The following IMMP2L variants were observed in gnomAD, a reference collection of about 807,000 sequenced individuals.
IMMP2L encodes the protein mitochondrial inner membrane protease subunit 2.
In IMMP2L, 18 loss-of-function variants were observed where a neutral mutation model predicts 19.3. The ratio of observed to expected loss-of-function variants is 0.93; its 90% CI spans 0.64 to 1.38. IMMP2L has a LOEUF of 1.38. Ranked by LOEUF, IMMP2L falls within the 40% of genes most tolerant of loss-of-function variation. The pLI is 0.00. For missense variants in IMMP2L, 233 were observed against 218.2 expected (o/e 1.07, Z -0.43); for synonymous variants, 76 against 73.0 (o/e 1.04, Z -0.21).
At chr7:111,099,401 C>G (rs1010323220) in intron 3 of IMMP2L, among the ~76,000 whole-genome samples, 3 of 151,680 alleles carry the variant, frequency 2.0e-5, no homozygotes, top group African/African-American at 7.3e-5. Context: ...TATGAATAAG[C>G]TGCTAGCCCT....
chr7:111,394,293 C>T (rs752471046), intron 3 of IMMP2L, among the ~76,000 whole-genome samples: 2 of 152,046 alleles, frequency 1.3e-5, no homozygotes, highest in Non-Finnish European at 2.9e-5. Flanking sequence ...CAGATATAAC[C>T]TATGTAAAGC....
At chr7:111,212,378 G>A (rs1193568934) in intron 3 of IMMP2L, among the ~76,000 whole-genome samples, 1 of 152,162 alleles carries the variant, frequency 6.6e-6, no homozygotes, top group Non-Finnish European at 1.5e-5. Flanking sequence ...GAAAGCAGAG[G>A]CAGGTGGATT....
chr7:110,792,547 A>G (rs939244145), intron 5 of IMMP2L, among the ~76,000 whole-genome samples: 6 of 151,880 alleles, frequency 4.0e-5, no homozygotes, highest in African/African-American at 9.7e-5. Flanking sequence ...GTAGAATTGG[A>G]CAGAAAACAC....
chr7:110,956,227 T>A (rs1287349938), intron 4 of IMMP2L, among the ~76,000 whole-genome samples: 3 of 151,968 alleles, frequency 2.0e-5, no homozygotes, highest in Admixed American at 2.0e-4. Context: ...CAAAGACAAA[T>A]TGTCATTTAA....
At chr7:110,816,098 CATTTAGTGCTA>C (rs1444306334) in intron 5 of IMMP2L, among the ~76,000 whole-genome samples, 1 of 152,046 alleles carries the variant, frequency 6.6e-6, no homozygotes, top group Non-Finnish European at 1.5e-5. Flanking sequence ...CTCTTGGGGG[CATTTAGTGCTA>C]TAAATTTTCC....
intron 3 of IMMP2L, among the ~76,000 whole-genome samples, chr7:111,360,635 T>C (rs1259208649): frequency 1.3e-5 from 2 of 151,960 alleles, no homozygotes; most frequent in South Asian, 2.1e-4. Context: ...CTGGGCAACA[T>C]AGCAAGACCT....
At chr7:110,978,335 T>C (rs1193523015) in intron 3 of IMMP2L, among the ~76,000 whole-genome samples, 9 of 152,038 alleles carry the variant, frequency 5.9e-5, no homozygotes, top group Admixed American at 4.6e-4. Context: ...GAAACAATTT[T>C]GCCTATATTT....
intron 1 of IMMP2L, among the ~76,000 whole-genome samples, chr7:111,521,724 C>T (rs1846349611): frequency 1.3e-5 from 2 of 152,016 alleles, no homozygotes; most frequent in Non-Finnish European, 2.9e-5. Flanking sequence ...TAGAAAAAAA[C>T]AAGCATTCCA....
intron 5 of IMMP2L, among the ~76,000 whole-genome samples, chr7:110,862,518 T>C (rs919397475): frequency 9.2e-5 from 14 of 151,454 alleles, no homozygotes; most frequent in Non-Finnish European, 2.9e-5. Flanking sequence ...TTTTTTTTTT[T>C]AATTTTTTGT....
chr7:110,952,665 A>C (rs1175237013), intron 4 of IMMP2L, among the ~76,000 whole-genome samples: 3 of 152,140 alleles, frequency 2.0e-5, no homozygotes, highest in Non-Finnish European at 4.4e-5. Context: ...GATGTGGATA[A>C]GGATAAAGCT....
intron 4 of IMMP2L, among the ~76,000 whole-genome samples, chr7:110,898,970 G>T (rs1342400062): frequency 1.3e-5 from 2 of 151,948 alleles, no homozygotes; most frequent in Non-Finnish European, 2.9e-5. Flanking sequence ...GGGCCACAAA[G>T]ACAACTCTTT....
chr7:111,148,619 T>C (rs1425407056), intron 3 of IMMP2L, among the ~76,000 whole-genome samples: 1 of 152,052 alleles, frequency 6.6e-6, no homozygotes, highest in Non-Finnish European at 1.5e-5. Context: ...GGTGAGATTA[T>C]TGCAATAATT....
At chr7:111,235,108 A>G (rs1438218578) in intron 3 of IMMP2L, among the ~76,000 whole-genome samples, 1 of 151,924 alleles carries the variant, frequency 6.6e-6, no homozygotes, top group Non-Finnish European at 1.5e-5. Context: ...TAATTTTTTC[A>G]TCTTTACTTC....
At chr7:111,369,417 A>G (rs548647629) in intron 3 of IMMP2L, among the ~76,000 whole-genome samples, 11 of 148,870 alleles carry the variant, frequency 7.4e-5, no homozygotes, top group Middle Eastern at 3.4e-3. Context: ...GAATATATTC[A>G]TAATAGTACT....
chr7:111,469,786 G>C (rs1374495023), intron 3 of IMMP2L, among the ~76,000 whole-genome samples: 1 of 152,042 alleles, frequency 6.6e-6, no homozygotes, highest in Non-Finnish European at 1.5e-5. Context: ...AGAAAACCTA[G>C]GCAATACCAT....
At chr7:111,223,190 G>A (rs1027524834) in intron 3 of IMMP2L, among the ~76,000 whole-genome samples, 3 of 151,924 alleles carry the variant, frequency 2.0e-5, no homozygotes, top group Admixed American at 2.0e-4. Flanking sequence ...AGTAAATTCA[G>A]AATGATAATT....
At chr7:110,931,138 G>A (rs1329320258) in intron 4 of IMMP2L, among the ~76,000 whole-genome samples, 5 of 152,062 alleles carry the variant, frequency 3.3e-5, no homozygotes, top group Non-Finnish European at 7.4e-5. Context: ...ACATATGAGG[G>A]ATTGGAGATG....
At chr7:110,958,466 C>A (rs1023418847) in intron 4 of IMMP2L, among the ~76,000 whole-genome samples, 3 of 151,950 alleles carry the variant, frequency 2.0e-5, no homozygotes, top group African/African-American at 7.2e-5. Context: ...TGATTTTTCC[C>A]AGAGAGTAAT....
At chr7:111,084,434 A>G (rs1796141060) in intron 3 of IMMP2L, among the ~76,000 whole-genome samples, 1 of 152,036 alleles carries the variant, frequency 6.6e-6, no homozygotes. Flanking sequence ...AGACAATTGG[A>G]GGGAAGGATT....
Sources: allele counts gnomAD v4.1 joint callset (sites outside exome capture counted in the v4.1 genomes callset), GRCh38; gene constraint gnomAD v4.1.1; transcripts MANE v1.5; gene names NCBI Gene and HGNC (gene_info 2026-07-23, HGNC 2026-07-21).